NALF1: variants seen among roughly 807,000 people sequenced by gnomAD.
NALF1 encodes NALCN channel auxiliary factor 1.
NALF1 carries 3 observed loss-of-function variants against 48.4 expected under a neutral mutation model. The observed-to-expected ratio is 0.06, with a 90% CI of 0.03 to 0.16. The LOEUF is 0.16. Ranked by LOEUF, NALF1 falls within the 10% of genes least tolerant of loss-of-function variation. The probability of loss-of-function intolerance (pLI) is 1.00; values close to 1 mark genes in which losing one functional copy is unlikely to be tolerated. For synonymous variants in NALF1, 262 were observed against 245.7 expected (o/e 1.07, Z -0.62); for missense variants, 526 against 571.5 (o/e 0.92, Z 0.81).
At position 107,705,022 on chromosome 13, in the gene NALF1, G is replaced by A. The variant is rs529613917; in HGVS notation, c.915+160660C>T. ...AAATTCTAGGCCTCCTTGTCCACAC[G>A]ATGTGCCAGACTTTAAATACATTCT... is the stretch of plus-strand genomic sequence containing the variant. On this transcript the variant is annotated intron_variant, in intron 1 of 2. Coordinates refer to ENST00000375915, the MANE Select transcript of NALF1 (RefSeq NM_001080396.3). Among the ~76,000 whole-genome samples the A allele has an allele frequency of 5.3e-4, 81 of 152,214 alleles. 2 individuals carry two copies. The highest frequency in any genetic ancestry group is 5.8e-4 in the East Asian group (3 of 5,174).
chr13:107,340,516 TTC>T (rs1204587483), intron 1 of NALF1, among the ~76,000 whole-genome samples: 3 of 135,794 alleles, frequency 2.2e-5, no homozygotes, highest in Admixed American at 7.6e-5. Context: ...TTTTCTTTCT[TTC>T]TCTCTCTTTT....
At chr13:107,469,733 C>CTTTTTTTTTTTTTTTTTT (rs61241553) in intron 1 of NALF1, among the ~76,000 whole-genome samples, 3 of 79,968 alleles carry the variant, frequency 3.8e-5, no homozygotes, top group Non-Finnish European at 4.5e-5. Flanking sequence ...AACTGTGTAT[C>CTTTTTTTTTTTTTTTTTT]TTTTTTTTTT....
chr13:107,695,348 C>G (rs1881674806), intron 1 of NALF1, among the ~76,000 whole-genome samples: 1 of 152,078 alleles, frequency 6.6e-6, no homozygotes, highest in African/African-American at 2.4e-5. Context: ...ATAAATTTAG[C>G]TTTGTAGAAA....
intron 1 of NALF1, among the ~76,000 whole-genome samples, chr13:107,830,800 G>A (rs1433653696): frequency 1.3e-5 from 2 of 152,180 alleles, no homozygotes; most frequent in Non-Finnish European, 2.9e-5. Flanking sequence ...GCATGTGTGT[G>A]TGCAGAGATG....
At chr13:107,308,461 C>T (rs1434246663) in intron 1 of NALF1, among the ~76,000 whole-genome samples, 1 of 152,126 alleles carries the variant, frequency 6.6e-6, no homozygotes, top group African/African-American at 2.4e-5. Flanking sequence ...CTCGGCCTCC[C>T]AAAGTGCTGG....
At chr13:107,597,320 T>G (rs1251344413) in intron 1 of NALF1, among the ~76,000 whole-genome samples, 3 of 152,118 alleles carry the variant, frequency 2.0e-5, no homozygotes, top group Non-Finnish European at 4.4e-5. Flanking sequence ...ATGACCCTCC[T>G]GCATAGGTAC....
intron 1 of NALF1, among the ~76,000 whole-genome samples, chr13:107,473,805 C>A (rs2139054769): frequency 6.6e-6 from 1 of 152,266 alleles, no homozygotes; most frequent in Middle Eastern, 3.4e-3. Flanking sequence ...TCTTATTCTC[C>A]CACATTCAAG....
intron 1 of NALF1, among the ~76,000 whole-genome samples, chr13:107,385,964 A>T (rs71435235): frequency 0.11 from 16,101 of 152,244 alleles, 1,001 homozygotes; most frequent in South Asian, 0.23. Flanking sequence ...CACAACTGCA[A>T]AATTAAAAGT....
In NALF1 at chr13:107,614,764, CT is replaced by C. The variant is rs1274084664; in HGVS notation, c.915+250917del. On this transcript the variant is annotated intron_variant, in intron 1 of 2. Coordinates refer to ENST00000375915, the MANE Select transcript of NALF1 (RefSeq NM_001080396.3). ...ATTTCAATCCTGCATCTCTTTTTTT[CT>C]TTTTTTTTTTTTCTTTCTTTTCTTT... 3.5e-3 allele frequency among the ~76,000 whole-genome samples: 498 copies of C among 142,776 alleles called. 2 individuals carry two copies. The highest frequency in any genetic ancestry group is 5.6e-3 in the African/African-American group (219 of 39,240). 93.7% of individuals were successfully genotyped at this position (142,776 alleles called of 152,430 possible). A position where few individuals can be genotyped will look rare whatever the true frequency, so the allele number is the denominator to read the frequency against.
chr13:107,515,459 C>T (rs1158702247), intron 1 of NALF1, among the ~76,000 whole-genome samples: 3 of 152,142 alleles, frequency 2.0e-5, no homozygotes, highest in Non-Finnish European at 4.4e-5. Context: ...GGTTGTATGG[C>T]TATGATCCAT....
At chr13:107,408,041 GC>G (rs1348951239) in intron 1 of NALF1, among the ~76,000 whole-genome samples, 2 of 151,916 alleles carry the variant, frequency 1.3e-5, no homozygotes. Context: ...ATTTGGGGGA[GC>G]TAAAAATTAA....
At chr13:107,246,727 T>G (rs534493561) in intron 1 of NALF1, among the ~76,000 whole-genome samples, 1 of 152,190 alleles carries the variant, frequency 6.6e-6, no homozygotes, top group Non-Finnish European at 1.5e-5. Flanking sequence ...AAGAAAATTA[T>G]AGTTTATATT....
intron 1 of NALF1, among the ~76,000 whole-genome samples, chr13:107,533,443 G>C (rs1036391036): frequency 6.6e-6 from 1 of 152,030 alleles, no homozygotes; most frequent in Non-Finnish European, 1.5e-5. Flanking sequence ...GCCATGAGAG[G>C]ACACAGCCTT....
intron 1 of NALF1, among the ~76,000 whole-genome samples, chr13:107,472,186 A>T (rs746017650): frequency 6.6e-6 from 1 of 152,104 alleles, no homozygotes; most frequent in Non-Finnish European, 1.5e-5. Flanking sequence ...AAAATTAGCC[A>T]GGCATAGTGG....
intron 1 of NALF1, among the ~76,000 whole-genome samples, chr13:107,218,654 A>C (rs181906642): frequency 1.3e-5 from 2 of 152,288 alleles, no homozygotes; most frequent in African/African-American, 2.4e-5. Context: ...TAAAGAAATA[A>C]ATTTTTAAAA....
chr13:107,723,077 G>T (rs1481442956), intron 1 of NALF1, among the ~76,000 whole-genome samples: 1 of 152,144 alleles, frequency 6.6e-6, no homozygotes, highest in Non-Finnish European at 1.5e-5. Context: ...AATTCCTTGG[G>T]ATACATCCTG....
intron 1 of NALF1, among the ~76,000 whole-genome samples, chr13:107,596,983 T>C (rs1878773357): frequency 6.6e-6 from 1 of 152,190 alleles, no homozygotes. Flanking sequence ...AAAAACACAA[T>C]GATGATTGGA....
At chr13:107,236,968 A>T (rs1417436542) in intron 1 of NALF1, among the ~76,000 whole-genome samples, 2 of 152,140 alleles carry the variant, frequency 1.3e-5, no homozygotes, top group African/African-American at 4.8e-5. Context: ...AGGAGGATGT[A>T]TGTAGGTTAT....
chr13:107,382,193 T>C (rs9520422), intron 1 of NALF1, among the ~76,000 whole-genome samples: 50,605 of 152,102 alleles, frequency 0.33, 9,139 homozygotes, highest in Middle Eastern at 0.43. Flanking sequence ...GAATCCACTG[T>C]AACACCATGA....
Sources: gnomAD v4.1 joint callset for allele counts (sites outside exome capture counted in the v4.1 genomes callset) on GRCh38, gnomAD v4.1.1 for gene constraint, MANE v1.5 for transcripts, NCBI Gene and HGNC (gene_info 2026-07-23, HGNC 2026-07-21) for gene names.